The following LYPD6 variants were observed in gnomAD, a reference collection of about 807,000 sequenced individuals.
LYPD6 encodes the protein ly6/PLAUR domain-containing protein 6.
In LYPD6, 15 loss-of-function variants were observed where a neutral mutation model predicts 22.7. That is an observed-to-expected ratio of 0.66 (90% confidence interval 0.44 to 1.02). The LOEUF (loss-of-function observed/expected upper bound fraction) is 1.02, where lower values mean the gene tolerates loss of function less well. LYPD6 is among the 50% of genes least tolerant of loss of function. LYPD6 has a pLI of 0.00. For missense variants in LYPD6, 189 were observed against 208.4 expected, an observed-to-expected ratio of 0.91 and a Z score of 0.57; for synonymous variants, 72 against 77.5, an observed-to-expected ratio of 0.93 and a Z score of 0.37.
rs142687948 is a variant in LYPD6 at position 149,408,351 on chromosome 2, G to A, written c.-71-29287G>A. ...CACAGCTCTTAAGATTCGTTCCTTC[G>A]TCTTGACTTTAGGTAAGCTGAGGAC... On this transcript the variant is annotated intron_variant, in intron 1 of 4. Transcript: ENST00000334166. Among the ~76,000 whole-genome samples, 1,191 of 152,170 alleles carry A rather than the reference G, an allele frequency of 7.8e-3. 7 individuals carry two copies. Among genetic ancestry groups the A allele is most frequent in the African/African-American group, 0.028 (1,149 of 41,506 alleles).
chr2:149,464,215 G>T, intron 3 of LYPD6: 1 of 359,290 alleles, frequency 2.8e-6, no homozygotes, highest in Non-Finnish European at 5.5e-6. Context: ...AAGTTAAGAA[G>T]GACTAAGACA....
At chr2:149,336,898 C>G (rs1283326239) in intron 1 of LYPD6, among the ~76,000 whole-genome samples, 2 of 149,774 alleles carry the variant, frequency 1.3e-5, no homozygotes, top group Admixed American at 1.3e-4. Flanking sequence ...TCTGAATTCC[C>G]CATGTAAAAA....
chr2:149,406,767 C>T (rs1208307244), intron 1 of LYPD6, among the ~76,000 whole-genome samples: 2 of 150,532 alleles, frequency 1.3e-5, no homozygotes, highest in Non-Finnish European at 3.0e-5. Context: ...GAATTTGATC[C>T]TGTCATTATG....
At chr2:149,459,058 T>G (rs1453699669) in intron 3 of LYPD6, among the ~76,000 whole-genome samples, 3 of 152,170 alleles carry the variant, frequency 2.0e-5, no homozygotes, top group African/African-American at 7.2e-5. Flanking sequence ...AAAGTTTTTC[T>G]AAGAAGCTGA....
At chr2:149,452,848 G>A (rs182147815) in intron 3 of LYPD6, among the ~76,000 whole-genome samples, 191 of 152,306 alleles carry the variant, frequency 1.3e-3, no homozygotes, top group African/African-American at 4.4e-3. Context: ...CTCCTGACTG[G>A]AATCACTCTT....
chr2:149,415,019 A>C (rs1432028679), intron 1 of LYPD6, among the ~76,000 whole-genome samples: 1 of 152,260 alleles, frequency 6.6e-6, no homozygotes, highest in Non-Finnish European at 1.5e-5. Flanking sequence ...TTAAAAACTC[A>C]GCAGAGCTAA....
intron 1 of LYPD6, among the ~76,000 whole-genome samples, chr2:149,385,825 G>GT (rs1682171824): frequency 6.6e-6 from 1 of 152,200 alleles, no homozygotes; most frequent in Non-Finnish European, 1.5e-5. Context: ...GGGCAGAGAA[G>GT]GAGAGAGGCA....
intron 1 of LYPD6, among the ~76,000 whole-genome samples, chr2:149,399,316 A>T (rs539865129): frequency 6.6e-6 from 1 of 152,230 alleles, no homozygotes; most frequent in South Asian, 2.1e-4. Flanking sequence ...GACATCTTGA[A>T]TGTCATTTAT....
At chr2:149,335,474 A>G (rs1422323625) in intron 1 of LYPD6, among the ~76,000 whole-genome samples, 2 of 152,260 alleles carry the variant, frequency 1.3e-5, no homozygotes, top group African/African-American at 4.8e-5. Context: ...TTACAAAGGA[A>G]TCAAAAAGTT....
intron 1 of LYPD6, among the ~76,000 whole-genome samples, chr2:149,413,946 T>C (rs1281495280): frequency 1.3e-5 from 2 of 152,228 alleles, no homozygotes; most frequent in African/African-American, 4.8e-5. Flanking sequence ...TTATTGAAAA[T>C]GTGCATAAGT....
At chr2:149,410,435 GA>G (rs1382971921) in intron 1 of LYPD6, among the ~76,000 whole-genome samples, 2 of 152,092 alleles carry the variant, frequency 1.3e-5, no homozygotes, top group African/African-American at 4.8e-5. Flanking sequence ...AACCAAGTCG[GA>G]GTTAGAAATG....
At chr2:149,415,419 G>T (rs1682939999) in intron 1 of LYPD6, among the ~76,000 whole-genome samples, 1 of 152,132 alleles carries the variant, frequency 6.6e-6, no homozygotes, top group Admixed American at 6.5e-5. Context: ...GAAGGCAGGG[G>T]GCTTGCTAGG....
intron 1 of LYPD6, among the ~76,000 whole-genome samples, chr2:149,363,615 A>G (rs1004087014): frequency 2.0e-5 from 3 of 152,202 alleles, no homozygotes; most frequent in African/African-American, 7.2e-5. Context: ...GGCTCTGTAA[A>G]TGTGGGCAAG....
intron 1 of LYPD6, among the ~76,000 whole-genome samples, chr2:149,393,225 A>G (rs771299700): frequency 9.2e-5 from 14 of 152,198 alleles, no homozygotes; most frequent in Non-Finnish European, 1.6e-4. Flanking sequence ...ACATTTATGC[A>G]TCTATAGCTT....
intron 1 of LYPD6, among the ~76,000 whole-genome samples, chr2:149,343,789 G>A (rs545571852): frequency 1.3e-5 from 2 of 152,242 alleles, no homozygotes; most frequent in South Asian, 4.1e-4. Flanking sequence ...GGCCAAGCCA[G>A]GTAACTTCTT....
chr2:149,347,982 G>A (rs528275824), intron 1 of LYPD6, among the ~76,000 whole-genome samples: 47 of 148,616 alleles, frequency 3.2e-4, no homozygotes, highest in African/African-American at 7.7e-4. Flanking sequence ...TTGGGAGGCC[G>A]AGGCAGGTGG....
chr2:149,430,310 G>A (rs1003268326), intron 1 of LYPD6, among the ~76,000 whole-genome samples: 1 of 152,118 alleles, frequency 6.6e-6, no homozygotes, highest in Non-Finnish European at 1.5e-5. Flanking sequence ...ATGTTGGCCA[G>A]ACTGGTCTCA....
At chr2:149,414,727 A>G (rs1479826493) in intron 1 of LYPD6, among the ~76,000 whole-genome samples, 1 of 152,204 alleles carries the variant, frequency 6.6e-6, no homozygotes, top group African/African-American at 2.4e-5. Flanking sequence ...ATTCTGTAGT[A>G]CCCTGGGGTT....
At chr2:149,349,233 G>C (rs1042985644) in intron 1 of LYPD6, among the ~76,000 whole-genome samples, 1 of 152,160 alleles carries the variant, frequency 6.6e-6, no homozygotes, top group Admixed American at 6.5e-5. Flanking sequence ...AGCCATAAAA[G>C]GGGAGCAAAT....
Sources: gnomAD v4.1 joint callset for allele counts (sites outside exome capture counted in the v4.1 genomes callset) on GRCh38, gnomAD v4.1.1 for gene constraint, MANE v1.5 for transcripts, NCBI Gene and HGNC (gene_info 2026-07-23, HGNC 2026-07-21) for gene names.